CSMD1: variants seen among roughly 807,000 people sequenced by gnomAD.
CSMD1 encodes the protein CUB and Sushi multiple domains 1.
CSMD1 carries 213 observed loss-of-function variants against 417.5 expected under a neutral mutation model. That is an observed-to-expected ratio of 0.51 (90% CI 0.46 to 0.57). The LOEUF (loss-of-function observed/expected upper bound fraction) is 0.57, where lower values mean the gene tolerates loss of function less well. CSMD1 is among the 20% of genes least tolerant of loss of function. The pLI is 0.00. For synonymous variants in CSMD1, 2,862 were observed against 1,736.8 expected (o/e 1.65, Z -16.11); for missense variants, 6,923 against 4,529.7 (o/e 1.53, Z -15.17).
At chr8:3,254,682 A>G (rs1367837363) in intron 26 of CSMD1, among the ~76,000 whole-genome samples, 1 of 151,998 alleles carries the variant, frequency 6.6e-6, no homozygotes, top group African/African-American at 2.4e-5. Context: ...AGACTTGTGC[A>G]TTTGTCACTT....
intron 12 of CSMD1, among the ~76,000 whole-genome samples, chr8:3,415,459 G>C (rs1282081226): frequency 6.6e-6 from 1 of 152,330 alleles, no homozygotes; most frequent in East Asian, 1.9e-4. Context: ...CCGGATTCAA[G>C]AGATTCTCTT....
At chr8:3,692,724 C>T (rs1447446666) in intron 7 of CSMD1, among the ~76,000 whole-genome samples, 5 of 152,130 alleles carry the variant, frequency 3.3e-5, no homozygotes, top group South Asian at 2.1e-4. Flanking sequence ...TAAGCCACCA[C>T]GCCTGGCCAC....
chr8:4,635,434 A>G (rs1365858473), intron 2 of CSMD1, among the ~76,000 whole-genome samples: 2 of 152,194 alleles, frequency 1.3e-5, no homozygotes, highest in African/African-American at 4.8e-5. Context: ...GAGATAATAC[A>G]TTATTGAAAG....
chr8:4,507,629 C>CA (rs1309933341), intron 2 of CSMD1, among the ~76,000 whole-genome samples: 1 of 151,862 alleles, frequency 6.6e-6, no homozygotes, highest in East Asian at 1.9e-4. Flanking sequence ...CCAATTGTGA[C>CA]AAAAAAGAAA....
chr8:4,747,113 C>T (rs768311986), intron 1 of CSMD1, among the ~76,000 whole-genome samples: 19 of 152,118 alleles, frequency 1.2e-4, no homozygotes, highest in Non-Finnish European at 2.2e-4. Flanking sequence ...CAGGTGCTTT[C>T]GGCTCCTGCT....
intron 3 of CSMD1, among the ~76,000 whole-genome samples, chr8:4,289,665 C>T (rs78873909): frequency 6.6e-6 from 1 of 152,270 alleles, no homozygotes; most frequent in East Asian, 1.9e-4. Context: ...TCCTGAGTAA[C>T]ATGTGCTCAA....
intron 5 of CSMD1, among the ~76,000 whole-genome samples, chr8:3,893,298 A>G (rs1192445071): frequency 1.4e-5 from 2 of 141,532 alleles, no homozygotes; most frequent in African/African-American, 2.5e-5. Context: ...TTCTTATTGT[A>G]AAGAAAAATT....
At chr8:3,584,526 TA>T (rs1800517279) in intron 9 of CSMD1, among the ~76,000 whole-genome samples, 1 of 134,402 alleles carries the variant, frequency 7.4e-6, no homozygotes, top group Non-Finnish European at 1.8e-5. Flanking sequence ...TCCTAAGTGA[TA>T]AGCACCTCTG....
chr8:3,515,363 G>C (rs1305005884), intron 10 of CSMD1: 1 of 152,228 alleles, frequency 6.6e-6, no homozygotes, highest in Non-Finnish European at 1.5e-5. Flanking sequence ...CACTGTGCAA[G>C]ATCAACAAAA....
chr8:4,839,637 T>G (rs1020814861), intron 1 of CSMD1, among the ~76,000 whole-genome samples: 1 of 152,180 alleles, frequency 6.6e-6, no homozygotes, highest in African/African-American at 2.4e-5. Context: ...AACTTGTTCC[T>G]CACACATGGT....
At chr8:3,305,626 T>G (rs1804773834) in intron 25 of CSMD1, among the ~76,000 whole-genome samples, 1 of 152,016 alleles carries the variant, frequency 6.6e-6, no homozygotes, top group Non-Finnish European at 1.5e-5. Flanking sequence ...GCCATGCCCT[T>G]GGACTTCCCA....
intron 2 of CSMD1, among the ~76,000 whole-genome samples, chr8:4,539,216 G>A (rs1585222593): frequency 6.6e-6 from 1 of 152,186 alleles, no homozygotes; most frequent in African/African-American, 2.4e-5. Context: ...GTTTGCCACT[G>A]CCACAAGTCA....
intron 4 of CSMD1, among the ~76,000 whole-genome samples, chr8:4,027,644 T>C (rs920780022): frequency 6.6e-6 from 1 of 152,118 alleles, no homozygotes; most frequent in Non-Finnish European, 1.5e-5. Context: ...AATTACCCAG[T>C]CTCAGGTATT....
chr8:3,510,818 T>C (rs780156860), intron 10 of CSMD1, among the ~76,000 whole-genome samples: 13 of 151,894 alleles, frequency 8.6e-5, no homozygotes, highest in Admixed American at 6.5e-5. Context: ...TTTTGAGAAG[T>C]ATCTGTTCAT....
intron 3 of CSMD1, among the ~76,000 whole-genome samples, chr8:4,068,345 A>C (rs1799367325): frequency 6.6e-6 from 1 of 152,180 alleles, no homozygotes; most frequent in Non-Finnish European, 1.5e-5. Context: ...AGTGGGGCTC[A>C]AAGCAGAGAG....
chr8:3,287,803 C>G (rs1412451447), intron 25 of CSMD1, among the ~76,000 whole-genome samples: 1 of 151,726 alleles, frequency 6.6e-6, no homozygotes, highest in East Asian at 1.9e-4. Context: ...TTTCCTCCAG[C>G]TGCCTGATTG....
intron 5 of CSMD1, among the ~76,000 whole-genome samples, chr8:3,914,212 G>C (rs574801124): frequency 6.6e-6 from 1 of 152,090 alleles, no homozygotes; most frequent in Non-Finnish European, 1.5e-5. Flanking sequence ...TAAGTAACTT[G>C]AGCACCTGCA....
At chr8:4,385,395 G>C in intron 3 of CSMD1, among the ~76,000 whole-genome samples, 1 of 152,066 alleles carries the variant, frequency 6.6e-6, no homozygotes, top group East Asian at 1.9e-4. Context: ...TGTTCTGAAG[G>C]GCAAATGCAT....
At chr8:3,775,991 G>C (rs1011302536) in intron 5 of CSMD1, among the ~76,000 whole-genome samples, 1 of 152,144 alleles carries the variant, frequency 6.6e-6, no homozygotes, top group African/African-American at 2.4e-5. Context: ...CCTCCTCAGA[G>C]CTTCAGACCC....
Sources: gnomAD v4.1 joint callset for allele counts (sites outside exome capture counted in the v4.1 genomes callset) on GRCh38, gnomAD v4.1.1 for gene constraint, MANE v1.5 for transcripts, NCBI Gene and HGNC (gene_info 2026-07-23, HGNC 2026-07-21) for gene names.